CCSER1: variants seen among roughly 807,000 people sequenced by gnomAD.
CCSER1 encodes coiled-coil serine rich protein 1.
A neutral mutation model predicts 82.0 loss-of-function variants in CCSER1; 41 were observed. That is an observed-to-expected ratio of 0.50 (90% confidence interval 0.39 to 0.65). CCSER1 has a LOEUF of 0.65. Ranked by LOEUF, CCSER1 falls within the 30% of genes least tolerant of loss-of-function variation. The pLI is 0.00. For synonymous variants in CCSER1, 414 were observed against 383.9 expected, an observed-to-expected ratio of 1.08 and a Z score of -0.92; for missense variants, 1,119 against 1,064.2, an observed-to-expected ratio of 1.05 and a Z score of -0.72.
chr4:90,694,495 A>C (rs1736613538), intron 6 of CCSER1, among the ~76,000 whole-genome samples: 1 of 152,066 alleles, frequency 6.6e-6, no homozygotes, highest in African/African-American at 2.4e-5. Flanking sequence ...AGAAAAAGTC[A>C]ATGGAAAGTA....
At chr4:90,953,856 C>A (rs78573557) in intron 9 of CCSER1, among the ~76,000 whole-genome samples, 1 of 151,798 alleles carries the variant, frequency 6.6e-6, no homozygotes, top group East Asian at 1.9e-4. Flanking sequence ...TTTAAAATCC[C>A]TTATCATATT....
At chr4:90,604,054 A>G (rs1431367369) in intron 5 of CCSER1, among the ~76,000 whole-genome samples, 1 of 152,182 alleles carries the variant, frequency 6.6e-6, no homozygotes, top group Non-Finnish European at 1.5e-5. Context: ...CAGCTTGTAC[A>G]TGGATTTTCC....
At chr4:90,717,175 A>T (rs1011313264) in intron 6 of CCSER1, among the ~76,000 whole-genome samples, 2 of 152,140 alleles carry the variant, frequency 1.3e-5, no homozygotes, top group African/African-American at 4.8e-5. Context: ...GGAAATGTTG[A>T]TTAGGCCTTG....
chr4:91,013,444 G>C lies in CCSER1; in HGVS notation c.2173-72506G>C, dbSNP rs1051078372. ...GTTCTATATGTCTGTCTTTATGCCA[G>C]TACCACACTGATTAGATTACTTTAA... On this transcript the variant is annotated intron_variant, in intron 9 of 10. Coordinates refer to ENST00000509176, the MANE Select transcript of CCSER1 (RefSeq NM_001145065.2). 3.8e-5 allele frequency among the ~76,000 whole-genome samples: 5 copies of C among 132,702 alleles called. 1 individual carries two copies. The highest frequency in any genetic ancestry group is 8.7e-5 in the Non-Finnish European group (5 of 57,322). The allele number at this position is 132,702 out of a possible 152,430, so 87.1% of individuals were successfully genotyped here.
chr4:91,431,332 T>G (rs1302581343), intron 10 of CCSER1, among the ~76,000 whole-genome samples: 1 of 152,244 alleles, frequency 6.6e-6, no homozygotes, highest in African/African-American at 2.4e-5. Flanking sequence ...AACTATAAAC[T>G]GTGAAATGCT....
At chr4:90,587,419 G>A (rs1441889528) in intron 5 of CCSER1, among the ~76,000 whole-genome samples, 1 of 152,146 alleles carries the variant, frequency 6.6e-6, no homozygotes, top group African/African-American at 2.4e-5. Context: ...AGTCCAATCA[G>A]GTCAACCTGG....
intron 5 of CCSER1, among the ~76,000 whole-genome samples, chr4:90,561,034 T>C (rs996350665): frequency 1.3e-5 from 2 of 152,208 alleles, no homozygotes; most frequent in Admixed American, 1.3e-4. Flanking sequence ...CACAGGGTAT[T>C]TGTTCTAATT....
chr4:90,853,741 T>C (rs1032399357), intron 8 of CCSER1, among the ~76,000 whole-genome samples: 6 of 152,154 alleles, frequency 3.9e-5, no homozygotes, highest in African/African-American at 1.4e-4. Flanking sequence ...ATACATAGTG[T>C]TTCTGATCTC....
At chr4:91,131,065 A>T (rs903646545) in intron 10 of CCSER1, among the ~76,000 whole-genome samples, 3 of 151,888 alleles carry the variant, frequency 2.0e-5, no homozygotes, top group African/African-American at 7.2e-5. Flanking sequence ...AATTCTGTGG[A>T]TCTCAATATG....
chr4:90,184,969 A>C (rs1275700623), intron 1 of CCSER1, among the ~76,000 whole-genome samples: 2 of 152,088 alleles, frequency 1.3e-5, no homozygotes, highest in African/African-American at 2.4e-5. Context: ...CATATTCCTT[A>C]GGGTTTTGAC....
At chr4:91,055,858 C>T (rs1051131707) in intron 9 of CCSER1, among the ~76,000 whole-genome samples, 4 of 149,372 alleles carry the variant, frequency 2.7e-5, no homozygotes, top group African/African-American at 9.8e-5. Context: ...TCCACAGGTC[C>T]CTTGTGCTCT....
At chr4:91,401,808 A>G (rs1262097580) in intron 10 of CCSER1, among the ~76,000 whole-genome samples, 2 of 152,184 alleles carry the variant, frequency 1.3e-5, no homozygotes, top group Non-Finnish European at 2.9e-5. Flanking sequence ...ATTGATGGAC[A>G]TTTGGGTTGG....
chr4:90,735,314 G>A (rs995678098), intron 7 of CCSER1, among the ~76,000 whole-genome samples: 1 of 152,050 alleles, frequency 6.6e-6, no homozygotes, highest in African/African-American at 2.4e-5. Flanking sequence ...TTTAGTTTTG[G>A]TATCAAGGTA....
At chr4:90,156,141 A>G (rs1728098993) in intron 1 of CCSER1, among the ~76,000 whole-genome samples, 1 of 152,164 alleles carries the variant, frequency 6.6e-6, no homozygotes, top group African/African-American at 2.4e-5. Flanking sequence ...CCCAGTAGTC[A>G]TTCAGGAGCA....
chr4:91,451,385 A>G (rs775868382), intron 10 of CCSER1, among the ~76,000 whole-genome samples: 3 of 152,000 alleles, frequency 2.0e-5, no homozygotes, highest in Non-Finnish European at 2.9e-5. Context: ...GCATCATACT[A>G]TTTCCAACTA....
chr4:90,875,220 T>G (rs1325780524), intron 8 of CCSER1, among the ~76,000 whole-genome samples: 1 of 152,104 alleles, frequency 6.6e-6, no homozygotes, highest in African/African-American at 2.4e-5. Context: ...GTGTTGCACA[T>G]CACATCAAAG....
intron 9 of CCSER1, among the ~76,000 whole-genome samples, chr4:91,072,444 T>G (rs549678772): frequency 6.6e-6 from 1 of 152,268 alleles, no homozygotes; most frequent in South Asian, 2.1e-4. Flanking sequence ...AATCATTTAT[T>G]ATTTTGCATT....
At chr4:90,957,790 A>G (rs916783162) in intron 9 of CCSER1, among the ~76,000 whole-genome samples, 1 of 150,144 alleles carries the variant, frequency 6.7e-6, no homozygotes, top group Non-Finnish European at 1.5e-5. Context: ...CTGATGGAGA[A>G]CGCTTGTTTA....
intron 8 of CCSER1, among the ~76,000 whole-genome samples, chr4:90,828,897 T>C (rs183059318): frequency 1.3e-5 from 2 of 152,160 alleles, no homozygotes; most frequent in East Asian, 3.9e-4. Context: ...TTAAATTATA[T>C]AGATGAAAGA....
Sources: allele counts gnomAD v4.1 joint callset (sites outside exome capture counted in the v4.1 genomes callset), GRCh38; gene constraint gnomAD v4.1.1; transcripts MANE v1.5; gene names NCBI Gene and HGNC (gene_info 2026-07-23, HGNC 2026-07-21).